Variants in NECAB1 observed in about 807,000 individuals in gnomAD.
NECAB1 encodes N-terminal EF-hand calcium binding protein 1, also known as N-terminal EF-hand calcium-binding protein 1.
Under a neutral mutation model 57.5 loss-of-function variants are expected in NECAB1, and 29 were observed. The ratio of observed to expected loss-of-function variants is 0.50; its 90% CI spans 0.38 to 0.69. NECAB1 has a LOEUF of 0.69. Among genes scored for constraint, NECAB1 ranks in the 30% least tolerant of loss-of-function variants. The pLI is 0.00. For synonymous variants in NECAB1, 142 were observed against 147.7 expected (o/e 0.96, Z 0.28); for missense variants, 372 against 413.8 (o/e 0.90, Z 0.88).
intron 2 of NECAB1, among the ~76,000 whole-genome samples, chr8:90,812,374 A>T (rs1214134457): frequency 6.6e-6 from 1 of 152,086 alleles, no homozygotes; most frequent in Non-Finnish European, 1.5e-5. Flanking sequence ...TTTTTTTCTT[A>T]CTTTTCTCCT....
chr8:90,828,984 C>G (rs1812265139), intron 3 of NECAB1, among the ~76,000 whole-genome samples: 1 of 151,978 alleles, frequency 6.6e-6, no homozygotes, highest in Admixed American at 6.6e-5. Context: ...TTTGTCAAGC[C>G]TCATTTTAAC....
chr8:90,860,188 C>T (rs1812870577), intron 3 of NECAB1, among the ~76,000 whole-genome samples: 1 of 151,698 alleles, frequency 6.6e-6, no homozygotes, highest in Admixed American at 6.6e-5. Flanking sequence ...AATGAGAATT[C>T]TCAGGAGGGT....
At chr8:90,937,336 A>G (rs148511311) in intron 9 of NECAB1, among the ~76,000 whole-genome samples, 2 of 152,310 alleles carry the variant, frequency 1.3e-5, no homozygotes, top group East Asian at 1.9e-4. Context: ...AGAATCTACA[A>G]TAAAATGTGA....
At chr8:90,819,541 C>CT (rs1344136289) in intron 2 of NECAB1, among the ~76,000 whole-genome samples, 1 of 151,924 alleles carries the variant, frequency 6.6e-6, no homozygotes, top group Non-Finnish European at 1.5e-5. Context: ...TCTGTTGACT[C>CT]TGAGTTTCCC....
At chr8:90,862,468 G>A (rs1454841539) in intron 3 of NECAB1, among the ~76,000 whole-genome samples, 1 of 152,058 alleles carries the variant, frequency 6.6e-6, no homozygotes, top group African/African-American at 2.4e-5. Context: ...TCAATGGCAA[G>A]GTTGATATTT....
intron 5 of NECAB1, among the ~76,000 whole-genome samples, chr8:90,890,038 C>T (rs1249705890): frequency 1.3e-5 from 2 of 151,990 alleles, no homozygotes; most frequent in Non-Finnish European, 2.9e-5. Context: ...TTTATATCTA[C>T]CCCATTAAAA....
rs1339274647 is a variant in NECAB1, at chr8:90,945,043, G to A, written c.860+4145G>A. On this transcript the variant is annotated intron_variant, in intron 10 of 12. Coordinates refer to ENST00000417640, the MANE Select transcript of NECAB1 (RefSeq NM_022351.5). ...CTCCCAAGTAGCTGGGAGTACAGGT[G>A]CATGCCACCATGCCTGGCTAATTTA... Among the ~76,000 whole-genome samples the A allele has an allele frequency of 3.3e-5, 5 of 152,034 alleles. No homozygotes were observed. The East Asian group carries it at 7.7e-4, about 23-fold the overall frequency.
At chr8:90,815,387 A>C (rs558189540) in intron 2 of NECAB1, among the ~76,000 whole-genome samples, 2 of 151,952 alleles carry the variant, frequency 1.3e-5, no homozygotes, top group Non-Finnish European at 2.9e-5. Context: ...GATTCCCTGA[A>C]CTCTTAAATT....
chr8:90,945,235 T>C (rs555205707), intron 10 of NECAB1, among the ~76,000 whole-genome samples: 1 of 151,940 alleles, frequency 6.6e-6, no homozygotes, highest in African/African-American at 2.4e-5. Context: ...ACCCGGCTAA[T>C]TTTTTGTATT....
intron 12 of NECAB1, 69 bp downstream of exon 12, chr8:90,951,273 AGT>A: frequency 1.2e-6 from 1 of 854,520 alleles, no homozygotes; most frequent in East Asian, 2.8e-5. Context: ...CGTAAAAGAT[AGT>A]ATGCTCTTTC....
intron 9 of NECAB1, among the ~76,000 whole-genome samples, chr8:90,939,024 G>A (rs1044180041): frequency 3.3e-5 from 5 of 152,128 alleles, no homozygotes; most frequent in African/African-American, 9.7e-5. Flanking sequence ...CTCTAATATA[G>A]GGGTTGGCAA....
At chr8:90,799,508 T>A (rs919035234) in intron 1 of NECAB1, among the ~76,000 whole-genome samples, 1 of 152,216 alleles carries the variant, frequency 6.6e-6, no homozygotes, top group African/African-American at 2.4e-5. Context: ...AGTGCTCCAG[T>A]TTCATTCTTC....
At chr8:90,839,007 A>T (rs1246062264) in intron 3 of NECAB1, among the ~76,000 whole-genome samples, 3 of 152,206 alleles carry the variant, frequency 2.0e-5, no homozygotes, top group African/African-American at 7.2e-5. Flanking sequence ...GTTATTGCAT[A>T]TTGCCTATTT....
intron 5 of NECAB1, among the ~76,000 whole-genome samples, chr8:90,903,125 CAATAT>C (rs544077926): frequency 2.0e-4 from 31 of 151,884 alleles, no homozygotes; most frequent in Admixed American, 1.7e-3. Flanking sequence ...TTTGAAAAAA[CAATAT>C]ATTATAGATA....
At chr8:90,812,399 T>G (rs1811975697) in intron 2 of NECAB1, among the ~76,000 whole-genome samples, 1 of 152,172 alleles carries the variant, frequency 6.6e-6, no homozygotes, top group Non-Finnish European at 1.5e-5. Context: ...TCACATAAAA[T>G]GTTATTGTTA....
intron 7 of NECAB1, among the ~76,000 whole-genome samples, chr8:90,925,987 T>C (rs910973356): frequency 6.6e-6 from 1 of 152,196 alleles, no homozygotes; most frequent in African/African-American, 2.4e-5. Context: ...TCTACCCTAA[T>C]ATGCTCTAGA....
At chr8:90,890,939 A>G (rs1467297972) in intron 5 of NECAB1, among the ~76,000 whole-genome samples, 1 of 152,238 alleles carries the variant, frequency 6.6e-6, no homozygotes, top group Non-Finnish European at 1.5e-5. Flanking sequence ...TGGTAAGACT[A>G]ATAAATAGGA....
At chr8:90,890,955 T>A (rs905086374) in intron 5 of NECAB1, among the ~76,000 whole-genome samples, 13 of 152,332 alleles carry the variant, frequency 8.5e-5, no homozygotes, top group South Asian at 4.1e-4. Context: ...TAGGAAAGCA[T>A]CGCTTTGTCC....
At chr8:90,944,599 C>A (rs1388055275) in intron 10 of NECAB1, among the ~76,000 whole-genome samples, 2 of 152,090 alleles carry the variant, frequency 1.3e-5, no homozygotes, top group Non-Finnish European at 2.9e-5. Context: ...ATTCTTGACA[C>A]CAGAGAACAA....
Sources: allele counts gnomAD v4.1 joint callset (sites outside exome capture counted in the v4.1 genomes callset), GRCh38; gene constraint gnomAD v4.1.1; transcripts MANE v1.5; gene names NCBI Gene and HGNC (gene_info 2026-07-23, HGNC 2026-07-21).